Variants in ROBO2 observed in about 807,000 individuals in gnomAD.
The protein encoded by ROBO2 is roundabout homolog 2.
A neutral mutation model predicts 160.8 loss-of-function variants in ROBO2; 53 were observed. That is an observed-to-expected ratio of 0.33 (90% CI 0.26 to 0.41). The LOEUF is 0.41. ROBO2 is among the 10% of genes least tolerant of loss of function. The pLI, the probability that ROBO2 is intolerant of heterozygous loss-of-function variation, is 1.00. For synonymous variants in ROBO2, 664 were observed against 611.7 expected (o/e 1.09, Z -1.26); for missense variants, 1,577 against 1,722.4 (o/e 0.92, Z 1.49).
At chr3:76,121,509 A>T (rs1296679465) in intron 2 of ROBO2, among the ~76,000 whole-genome samples, 1 of 152,168 alleles carries the variant, frequency 6.6e-6, no homozygotes, top group Non-Finnish European at 1.5e-5. Flanking sequence ...AATTTCATTT[A>T]TAAGCTAAGT....
chr3:76,305,076 T>A (rs944593041), intron 2 of ROBO2, among the ~76,000 whole-genome samples: 1 of 151,988 alleles, frequency 6.6e-6, no homozygotes, highest in Non-Finnish European at 1.5e-5. Context: ...TGGTAATAAC[T>A]GTTCTGTGGT....
At chr3:76,391,361 C>T (rs1015837150) in intron 2 of ROBO2, among the ~76,000 whole-genome samples, 4 of 152,196 alleles carry the variant, frequency 2.6e-5, no homozygotes, top group Admixed American at 6.5e-5. Context: ...CTGCAACGGA[C>T]GGAGCCAGTC....
At chr3:76,835,879 C>G (rs2067648468) in intron 2 of ROBO2, among the ~76,000 whole-genome samples, 1 of 151,954 alleles carries the variant, frequency 6.6e-6, no homozygotes. Flanking sequence ...TGAGATTTAA[C>G]TTTTCAACTA....
intron 24 of ROBO2, among the ~76,000 whole-genome samples, chr3:77,637,167 G>A (rs1039378797): frequency 2.0e-5 from 3 of 152,296 alleles, no homozygotes; most frequent in East Asian, 1.9e-4. Context: ...CCAGTTACAG[G>A]TAATTTTAAA....
chr3:75,951,707 T>G (rs1948542179), intron 2 of ROBO2, among the ~76,000 whole-genome samples: 1 of 152,038 alleles, frequency 6.6e-6, no homozygotes, highest in South Asian at 2.1e-4. Flanking sequence ...TGAAAACTAC[T>G]AATTGAAGGG....
At chr3:77,498,516 A>G (rs1409671540) in intron 5 of ROBO2, among the ~76,000 whole-genome samples, 1 of 152,212 alleles carries the variant, frequency 6.6e-6, no homozygotes, top group Non-Finnish European at 1.5e-5. Context: ...ATTTTAAGAG[A>G]GAATTTTCAG....
chr3:75,977,783 T>G (rs2065171219), intron 2 of ROBO2, among the ~76,000 whole-genome samples: 1 of 151,574 alleles, frequency 6.6e-6, no homozygotes, highest in African/African-American at 2.4e-5. Context: ...GCATTATACA[T>G]TATTTTCTGC....
intron 2 of ROBO2, among the ~76,000 whole-genome samples, chr3:77,132,667 A>G (rs937863921): frequency 1.3e-5 from 2 of 152,014 alleles, no homozygotes; most frequent in Admixed American, 6.6e-5. Context: ...TCCATTCACT[A>G]AAGAGTCACT....
intron 2 of ROBO2, among the ~76,000 whole-genome samples, chr3:76,025,159 A>C (rs1248052491): frequency 6.6e-6 from 1 of 151,610 alleles, no homozygotes; most frequent in Non-Finnish European, 1.5e-5. Context: ...TTTTGCAGAA[A>C]ATTAATTTTA....
chr3:77,488,175 G>A lies in ROBO2; in HGVS notation c.668-5069G>A, dbSNP rs999088171. ...AATTGACAGGGCTGACTACTTGAGA[G>A]CCATACTTTACAGAAACACACTGGC... On this transcript the variant is annotated intron_variant, in intron 4 of 25. Transcript: ENST00000461745. Among the ~76,000 whole-genome samples, 14 of 152,106 alleles carry A rather than the reference G, an allele frequency of 9.2e-5. 1 individual carries two copies. Among genetic ancestry groups the A allele is most frequent in the Non-Finnish European group, 1.8e-4 (12 of 67,992 alleles).
At chr3:76,641,055 A>G (rs2090650306) in intron 2 of ROBO2, among the ~76,000 whole-genome samples, 1 of 152,236 alleles carries the variant, frequency 6.6e-6, no homozygotes, top group East Asian at 1.9e-4. Flanking sequence ...ATACATATAG[A>G]AGAACTGACG....
chr3:76,094,640 A>G (rs1167746384), intron 2 of ROBO2, among the ~76,000 whole-genome samples: 2 of 152,242 alleles, frequency 1.3e-5, no homozygotes, highest in Non-Finnish European at 2.9e-5. Context: ...CTTTGAAAGC[A>G]GTATCTTCAC....
chr3:76,127,521 G>A lies in ROBO2; in HGVS notation c.109+189919G>A, dbSNP rs959347639. 3.3e-5 allele frequency among the ~76,000 whole-genome samples: 5 copies of A among 151,378 alleles called. 1 individual carries two copies. The highest frequency in any genetic ancestry group is 1.3e-4 in the Admixed American group (2 of 15,184). ...TTATGTCTGTGATATAGTTGGACAC[G>A]TTTATATAGAAAACAAATGAATATT... On this transcript the variant is annotated intron_variant, in intron 2 of 26. Coordinates refer to the ROBO2 transcript ENST00000487694.
intron 2 of ROBO2, among the ~76,000 whole-genome samples, chr3:77,329,217 G>A (rs1316013884): frequency 6.6e-6 from 1 of 152,218 alleles, no homozygotes; most frequent in East Asian, 1.9e-4. Context: ...TAGTAACACA[G>A]CTTTTAAGAA....
chr3:76,869,342 G>GTTTTTTTTTTTTTTTTTTTTTTTTT (rs34051755), intron 2 of ROBO2, among the ~76,000 whole-genome samples: 1 of 71,356 alleles, frequency 1.4e-5, no homozygotes. Flanking sequence ...AGAAATTGAT[G>GTTTTTTTTTTTTTTTTTTTTTTTTT]TTTTTTTTTT....
At chr3:76,758,348 A>G (rs2061106169) in intron 2 of ROBO2, among the ~76,000 whole-genome samples, 2 of 151,746 alleles carry the variant, frequency 1.3e-5, no homozygotes, top group African/African-American at 4.8e-5. Context: ...AAAACAGAGG[A>G]ATTGTCTTTG....
chr3:76,835,560 C>T lies in ROBO2; in HGVS notation c.110-262454C>T, dbSNP rs892166625. Among the ~76,000 whole-genome samples the T allele has an allele frequency of 5.3e-5, 8 of 151,298 alleles. No homozygotes were observed. The East Asian group carries it at 1.4e-3, about 26-fold the overall frequency. On this transcript the variant is annotated intron_variant, in intron 2 of 26. Coordinates refer to the ROBO2 transcript ENST00000487694. ...CAATTTTTCATTGTTACAAAGGGAT[C>T]GTTGATACATATGTTAAGTTTGATA...
chr3:77,538,062 G>A (rs1348289052), intron 6 of ROBO2, among the ~76,000 whole-genome samples: 1 of 150,306 alleles, frequency 6.7e-6, no homozygotes, highest in Non-Finnish European at 1.5e-5. Flanking sequence ...GTAGCTGGTG[G>A]CAAAGAAAGT....
chr3:77,342,502 G>A (rs959737127), intron 2 of ROBO2, among the ~76,000 whole-genome samples: 1 of 152,096 alleles, frequency 6.6e-6, no homozygotes, highest in Non-Finnish European at 1.5e-5. Context: ...AGAGTTGCAT[G>A]TATGAACATA....
Sources: gnomAD v4.1 joint callset for allele counts (sites outside exome capture counted in the v4.1 genomes callset) on GRCh38, gnomAD v4.1.1 for gene constraint, MANE v1.5 for transcripts, NCBI Gene and HGNC (gene_info 2026-07-23, HGNC 2026-07-21) for gene names.